MFNG: variants seen among roughly 807,000 people sequenced by gnomAD.
The protein encoded by MFNG is beta-1,3-N-acetylglucosaminyltransferase manic fringe.
MFNG carries 24 observed loss-of-function variants against 34.2 expected under a neutral mutation model. The ratio of observed to expected loss-of-function variants is 0.70; its 90% CI spans 0.51 to 0.99. The LOEUF is 0.99. Ranked by LOEUF, MFNG falls within the 50% of genes least tolerant of loss-of-function variation. The pLI, the probability that MFNG is intolerant of heterozygous loss-of-function variation, is 0.00. For missense variants in MFNG, 383 were observed against 424.0 expected (o/e 0.90, Z 0.85); for synonymous variants, 158 against 179.2 (o/e 0.88, Z 0.94).
intron 4 of MFNG, 68 bp downstream of exon 4, chr22:37,479,276 CA>C: frequency 6.8e-7 from 1 of 1,470,466 alleles, no homozygotes; most frequent in Non-Finnish European, 9.0e-7. Context: ...AGCACACCCC[CA>C]CCCCCAGGAC....
At chr22:37,478,374 C>A (rs1922133648) in intron 4 of MFNG, among the ~76,000 whole-genome samples, 1 of 152,120 alleles carries the variant, frequency 6.6e-6, no homozygotes, top group African/African-American at 2.4e-5. Flanking sequence ...AGGGAGAGAA[C>A]CATGCAATAT....
chr22:37,476,922 C>T lies in MFNG; in HGVS notation c.621G>A (p.Leu207=), dbSNP rs749280932. The T allele has an allele frequency of 2.5e-6, 4 of 1,614,060 alleles. No homozygotes were observed. In the African/African-American group the frequency reaches 5.3e-5, roughly 22 times the overall value. ...TGGCCCACGGAGCCATCTTCAAAGC[C>T]AGTTTGCGATTGATGCAGAAGCCAG... The part of the protein sequence containing the change: ...GGAGFCINRK[L]ALKMAPWASG... The change falls in exon 5 of 8, where the codon CTG becomes CTA. Residue 207 remains leucine, a synonymous_variant. Coordinates refer to ENST00000356998, the MANE Select transcript of MFNG (RefSeq NM_002405.4).
Position 37,485,913 on chromosome 22 carries a change from C to G in MFNG, c.255+10G>C. On this transcript the variant is annotated intron_variant, in intron 1 of 7. Coordinates refer to ENST00000356998, the MANE Select transcript of MFNG (RefSeq NM_002405.4). The surrounding 1 kb of genome is among the most constrained non-coding windows in gnomAD (Gnocchi z 5.3). ...GCCACCCCCAGGGCCCAATGTCACCCACTTGTCACCTGTTCCCTGGTCCTG... is the reference window on the plus strand; with the variant it reads ...GCCACCCCCAGGGCCCAATGTCACCGACTTGTCACCTGTTCCCTGGTCCTG... The G allele has an allele frequency of 1.9e-6, 3 of 1,608,868 alleles. No individual in the cohort carries two copies. The highest frequency in any genetic ancestry group is 2.5e-6 in the Non-Finnish European group (3 of 1,176,516).
chr22:37,477,893 A>C (rs554939470), intron 4 of MFNG, among the ~76,000 whole-genome samples: 1 of 152,304 alleles, frequency 6.6e-6, no homozygotes, highest in Non-Finnish European at 1.5e-5. Flanking sequence ...ACAGATTAGG[A>C]AACTGAGGCA....
In MFNG at chr22:37,473,887, C is replaced by T. The variant is rs187486952; in HGVS notation, c.813+625G>A. Among the ~76,000 whole-genome samples the T allele has an allele frequency of 1.9e-3, 283 of 152,314 alleles. 1 individual carries two copies. The highest frequency in any genetic ancestry group is 6.5e-3 in the African/African-American group (270 of 41,560). ...ACTGTTGGGCAGGAGATCCCGGGGA[C>T]GCTCCCAGCCAGGACCATCTACAGT... On this transcript the variant is annotated intron_variant, in intron 6 of 7. Transcript: ENST00000356998.
At position 37,472,514 on chromosome 22, in the gene MFNG, G is replaced by A. The variant is rs143008836; in HGVS notation, c.828C>T (p.Tyr276=). The change falls in exon 7 of 8, where the codon TAC becomes TAT. Residue 276 remains tyrosine, a synonymous_variant. Transcript: ENST00000356998. ...AQLPEQVTLS[Y]GVFEGKLNVI... Reference sequence around the variant, plus strand: ...CGTTGAGTTTCCCCTCAAAGACACCGTAGCTGAGGGTGACCTGGGCAGGGA... The same window carrying A: ...CGTTGAGTTTCCCCTCAAAGACACCATAGCTGAGGGTGACCTGGGCAGGGA... The A allele has an allele frequency of 7.0e-6, 11 of 1,580,502 alleles. No homozygotes were observed. Among genetic ancestry groups the A allele is most frequent in the East Asian group, 2.4e-5 (1 of 40,848 alleles).
chr22:37,473,732 G>A (rs577075536), intron 6 of MFNG, among the ~76,000 whole-genome samples: 2 of 152,360 alleles, frequency 1.3e-5, no homozygotes, highest in South Asian at 4.1e-4. Flanking sequence ...GGGGAAAGCT[G>A]GGGCTGCCAT....
intron 6 of MFNG, among the ~76,000 whole-genome samples, chr22:37,473,187 C>T (rs976862378): frequency 1.3e-5 from 2 of 152,086 alleles, no homozygotes; most frequent in Admixed American, 1.3e-4. Flanking sequence ...CCTGTAATCC[C>T]AGCACTTTGG....
intron 6 of MFNG, among the ~76,000 whole-genome samples, chr22:37,473,771 G>A (rs371463606): frequency 3.3e-5 from 5 of 152,376 alleles, no homozygotes; most frequent in South Asian, 2.1e-4. Context: ...GAGCCCACCT[G>A]AGGATGGGCC....
chr22:37,470,068 C>T (rs779867343), intron 7 of MFNG, 39 bp from the exon 8 acceptor site: 88 of 1,495,400 alleles, frequency 5.9e-5, no homozygotes, highest in Middle Eastern at 1.7e-4. Flanking sequence ...GGTCACCCCC[C>T]ACTTCTGCTC....
chr22:37,485,779 G>C lies in MFNG; in HGVS notation c.255+144C>G. The C allele has an allele frequency of 1.9e-6, 2 of 1,061,842 alleles. No homozygotes were observed. Among genetic ancestry groups the C allele is most frequent in the Non-Finnish European group, 2.7e-6 (2 of 751,710 alleles). 65.8% of individuals were successfully genotyped at this position (1,061,842 alleles called of 1,614,324 possible). Reference sequence around the variant, plus strand: ...GGCAGCCCCTAAAGCCCGGAAGAAGGAGAGAGGAAGAGGATCCCTGATTAG... The same window carrying C: ...GGCAGCCCCTAAAGCCCGGAAGAAGCAGAGAGGAAGAGGATCCCTGATTAG... On this transcript the variant is annotated intron_variant, in intron 1 of 7. Transcript: ENST00000356998. This position sits in a 1 kb window ranked among gnomAD's most constrained non-coding sequence, Gnocchi z 5.3.
intron 1 of MFNG, among the ~76,000 whole-genome samples, chr22:37,481,632 T>A (rs184429961): frequency 2.0e-5 from 3 of 152,128 alleles, no homozygotes; most frequent in Non-Finnish European, 4.4e-5. Flanking sequence ...CGGCCCAACA[T>A]GGCAGAGCTT....
In MFNG at chr22:37,469,380, G is replaced by A. The variant is rs368245526; in HGVS notation, c.*583C>T. ...CGTTATGCTCCATCATCTGGGCCCC[G>A]GCATGCTGAGGCTCCAAACAAAATC... is the stretch of plus-strand genomic sequence containing the variant. On this transcript the variant is annotated 3_prime_UTR_variant, in exon 8 of 8. Coordinates refer to ENST00000356998, the MANE Select transcript of MFNG (RefSeq NM_002405.4). The A allele has an allele frequency of 4.8e-5, 9 of 189,356 alleles. 1 individual carries two copies. Among genetic ancestry groups the A allele is most frequent in the South Asian group, 2.0e-4 (2 of 9,890 alleles). 11.7% of individuals were successfully genotyped at this position (189,356 alleles called of 1,614,324 possible). A position where few individuals can be genotyped will look rare whatever the true frequency, so the allele number is the denominator to read the frequency against.
At position 37,482,240 on chromosome 22, in the gene MFNG, C is replaced by A. The variant is rs1922322540; in HGVS notation, c.256-1471G>T. Among the ~76,000 whole-genome samples the A allele has an allele frequency of 6.6e-6, 1 of 152,176 alleles. No individual in the cohort carries two copies. Among genetic ancestry groups the A allele is most frequent in the African/African-American group, 2.4e-5 (1 of 41,442 alleles). The stretch of plus-strand genomic sequence containing the variant: ...CCTCAGATATGTTTCCCTGCCAGGA[C>A]CAGAATCGAGTAACACCCAACTCCA... On this transcript the variant is annotated intron_variant, in intron 1 of 7. Coordinates refer to ENST00000356998, the MANE Select transcript of MFNG (RefSeq NM_002405.4). The surrounding 1 kb of genome is among the most constrained non-coding windows in gnomAD (Gnocchi z 4.1).
At chr22:37,473,478 T>C (rs1341686649) in intron 6 of MFNG, among the ~76,000 whole-genome samples, 2 of 151,050 alleles carry the variant, frequency 1.3e-5, no homozygotes, top group Admixed American at 1.3e-4. Context: ...GCATTGTGGG[T>C]ACTCAGGATA....
Position 37,476,920 on chromosome 22 carries a change from G to A in MFNG, c.623C>T (p.Ala208Val). The A allele has an allele frequency of 6.2e-7, 1 of 1,608,512 alleles. No individual in the cohort carries two copies. Among genetic ancestry groups the A allele is most frequent in the Non-Finnish European group, 8.5e-7 (1 of 1,176,890 alleles). The change falls in exon 5 of 8, where the codon GCT becomes GTT. Residue 208 changes from alanine to valine, a missense_variant. Transcript: ENST00000356998. ...GAGFCINRKL[A>V]LKMAPWASGS... is the part of the protein sequence containing the mutation. ...CCTGGCCCACGGAGCCATCTTCAAA[G>A]CCAGTTTGCGATTGATGCAGAAGCC... is the stretch of plus-strand genomic sequence containing the variant.
intron 1 of MFNG, among the ~76,000 whole-genome samples, chr22:37,481,722 C>T (rs1569158319): frequency 6.6e-6 from 1 of 152,228 alleles, no homozygotes; most frequent in South Asian, 2.1e-4. Flanking sequence ...GACTGCCCGG[C>T]CCAGGACTCA....
intron 5 of MFNG, among the ~76,000 whole-genome samples, chr22:37,475,135 A>G (rs2145729251): frequency 6.6e-6 from 1 of 152,298 alleles, no homozygotes; most frequent in African/African-American, 2.4e-5. Flanking sequence ...GCTAAGTCAG[A>G]GGGAAGCATG....
At chr22:37,470,140 C>G (rs1465396792) in intron 7 of MFNG, 111 bp from the exon 8 acceptor site, 1 of 715,468 alleles carries the variant, frequency 1.4e-6, no homozygotes, top group Non-Finnish European at 2.4e-6. Context: ...GTTTCTCTAC[C>G]TCAACACCAC....
Sources: gnomAD v4.1 joint callset for allele counts (sites outside exome capture counted in the v4.1 genomes callset) on GRCh38, gnomAD v4.1.1 for gene constraint, Gnocchi (gnomAD v3.1) non-coding constraint, MANE v1.5 for transcripts, NCBI Gene and HGNC (gene_info 2026-07-23, HGNC 2026-07-21) for gene names.